KCNAB1: variants seen among roughly 807,000 people sequenced by gnomAD.
KCNAB1 encodes the protein potassium voltage-gated channel subfamily A regulatory beta subunit 1, also known as voltage-gated potassium channel subunit beta-1.
In KCNAB1, 35 loss-of-function variants were observed where a neutral mutation model predicts 64.6. That is an observed-to-expected ratio of 0.54 (90% confidence interval 0.41 to 0.72). The LOEUF (loss-of-function observed/expected upper bound fraction) is 0.72, where lower values mean the gene tolerates loss of function less well. KCNAB1 is among the 30% of genes least tolerant of loss of function. The probability of loss-of-function intolerance (pLI) is 0.00; values close to 1 mark genes in which losing one functional copy is unlikely to be tolerated. For missense variants in KCNAB1, 401 were observed against 512.9 expected (o/e 0.78, Z 2.11); for synonymous variants, 177 against 183.8 (o/e 0.96, Z 0.30).
At chr3:156,479,424 TG>T (rs1360907929) in intron 8 of KCNAB1, among the ~76,000 whole-genome samples, 3 of 152,138 alleles carry the variant, frequency 2.0e-5, no homozygotes, top group Admixed American at 6.6e-5. Flanking sequence ...TGGGTTTTTT[TG>T]TTTGTTTCTT....
At chr3:156,384,821 C>T (rs937490030) in intron 1 of KCNAB1, among the ~76,000 whole-genome samples, 1 of 152,146 alleles carries the variant, frequency 6.6e-6, no homozygotes, top group African/African-American at 2.4e-5. Context: ...GAATGGATTC[C>T]TCAGAGAGGT....
chr3:156,510,950 A>G (rs937954020), intron 8 of KCNAB1, among the ~76,000 whole-genome samples: 4 of 152,274 alleles, frequency 2.6e-5, no homozygotes, highest in South Asian at 2.1e-4. Flanking sequence ...TTTTCTGTCT[A>G]TAGACTTTCC....
intron 4 of KCNAB1, 54 bp downstream of exon 4, chr3:156,457,586 T>C (rs755119194): frequency 8.1e-5 from 118 of 1,458,204 alleles, no homozygotes; most frequent in Non-Finnish European, 1.1e-4. Flanking sequence ...ACCAAAAGAA[T>C]CAGCCCAGAC....
At position 156,537,318 on chromosome 3, in the gene KCNAB1, C is replaced by G; in HGVS notation, c.*571C>G. The G allele has an allele frequency of 3.0e-6, 1 of 333,148 alleles. No individual in the cohort carries two copies. The highest frequency in any genetic ancestry group is 2.1e-5 in the African/African-American group (1 of 46,694). The allele number at this position is 333,148 out of a possible 1,614,324, so 20.6% of individuals were successfully genotyped here. On this transcript the variant is annotated 3_prime_UTR_variant, in exon 14 of 14. Transcript: ENST00000490337. ...AGAAATAATTTTATATATTTTTTTT[C>G]TATTTTCACATTCATACTAACAAGT...
chr3:156,474,506 G>A, intron 7 of KCNAB1: 1 of 362,942 alleles, frequency 2.8e-6, no homozygotes, highest in Non-Finnish European at 5.1e-6. Flanking sequence ...TCCTGTGAGA[G>A]TGATAATATT....
At chr3:156,327,105 A>G (rs1723015248) in intron 1 of KCNAB1, among the ~76,000 whole-genome samples, 1 of 152,172 alleles carries the variant, frequency 6.6e-6, no homozygotes, top group Non-Finnish European at 1.5e-5. Context: ...GTTAAGGCAA[A>G]CGTAAGAGCA....
At chr3:156,513,008 C>T (rs1430252204) in intron 8 of KCNAB1, among the ~76,000 whole-genome samples, 6 of 152,164 alleles carry the variant, frequency 3.9e-5, no homozygotes, top group Admixed American at 6.5e-5. Context: ...GTCAGGAGAT[C>T]GAGACCATCC....
At chr3:156,352,997 C>T (rs558346691) in intron 1 of KCNAB1, among the ~76,000 whole-genome samples, 1 of 152,268 alleles carries the variant, frequency 6.6e-6, no homozygotes, top group Non-Finnish European at 1.5e-5. Flanking sequence ...ACACATCTAA[C>T]ATGCCAGTGG....
Position 156,421,606 on chromosome 3 carries a change from T to G in KCNAB1, c.276-10T>G. ...AATGATGACCAAGTGTTGCTTTGTTTTTATTATAGGAATCTTGGAAAATCA... is the reference window on the plus strand; with the variant it reads ...AATGATGACCAAGTGTTGCTTTGTTGTTATTATAGGAATCTTGGAAAATCA... On this transcript the variant is annotated splice_polypyrimidine_tract_variant and intron_variant, in intron 1 of 13. Transcript: ENST00000490337. 1 of 1,613,724 alleles carries G rather than the reference T, an allele frequency of 6.2e-7. No homozygotes were observed. The highest frequency in any genetic ancestry group is 8.5e-7 in the Non-Finnish European group (1 of 1,179,694).
At chr3:156,123,498 T>C (rs1410207843) in intron 1 of KCNAB1, among the ~76,000 whole-genome samples, 1 of 152,208 alleles carries the variant, frequency 6.6e-6, no homozygotes, top group Non-Finnish European at 1.5e-5. Context: ...TTGGGGGAGA[T>C]TCAGCAGTCC....
At chr3:156,319,517 C>T (rs2108022254) in intron 1 of KCNAB1, among the ~76,000 whole-genome samples, 1 of 152,262 alleles carries the variant, frequency 6.6e-6, no homozygotes. Context: ...CCATGCCAAA[C>T]TTAAGAAGGG....
intron 1 of KCNAB1, among the ~76,000 whole-genome samples, chr3:156,224,695 A>G (rs892170243): frequency 1.3e-5 from 2 of 152,238 alleles, no homozygotes; most frequent in Non-Finnish European, 2.9e-5. Context: ...ATTAACCGAG[A>G]AGAGAGAAGA....
At chr3:156,322,591 A>G (rs1722733561) in intron 1 of KCNAB1, among the ~76,000 whole-genome samples, 1 of 152,216 alleles carries the variant, frequency 6.6e-6, no homozygotes, top group Admixed American at 6.5e-5. Flanking sequence ...TCTTATATCC[A>G]TTGTAGGTCC....
At chr3:156,443,205 C>T (rs751190545) in intron 2 of KCNAB1, among the ~76,000 whole-genome samples, 5 of 152,218 alleles carry the variant, frequency 3.3e-5, no homozygotes, top group Non-Finnish European at 5.9e-5. Context: ...CTCTCACCGC[C>T]GCCCCCTCAA....
intron 1 of KCNAB1, among the ~76,000 whole-genome samples, chr3:156,261,083 T>C (rs930687250): frequency 6.6e-6 from 1 of 152,140 alleles, no homozygotes; most frequent in African/African-American, 2.4e-5. Flanking sequence ...CCAGTTTTTT[T>C]AGTTGGGTTA....
chr3:156,358,581 G>T (rs1367955208), intron 1 of KCNAB1, among the ~76,000 whole-genome samples: 1 of 152,164 alleles, frequency 6.6e-6, no homozygotes, highest in Non-Finnish European at 1.5e-5. Context: ...TTGGGAAAGG[G>T]TAGAGGTTTT....
At chr3:156,281,056 A>G (rs987680581) in intron 1 of KCNAB1, among the ~76,000 whole-genome samples, 2 of 151,652 alleles carry the variant, frequency 1.3e-5, no homozygotes, top group African/African-American at 2.4e-5. Flanking sequence ...TTTCAAAGGG[A>G]ATGCCTCCAG....
chr3:156,290,157 G>A lies in KCNAB1; in HGVS notation c.276-131459G>A, dbSNP rs562716579. On this transcript the variant is annotated intron_variant, in intron 1 of 13. Coordinates refer to ENST00000490337, the MANE Select transcript of KCNAB1 (RefSeq NM_172160.3). ...TTTCTCTAGTGTACTTAGTGTCTGT[G>A]CCATCCATTCAGATATGTCATAATA... Among the ~76,000 whole-genome samples, 16 of 152,302 alleles carry A rather than the reference G, an allele frequency of 1.1e-4. No homozygotes were observed. The South Asian group carries it at 3.3e-3, about 32-fold the overall frequency.
chr3:156,356,794 A>C (rs965725882), intron 1 of KCNAB1, among the ~76,000 whole-genome samples: 3 of 152,250 alleles, frequency 2.0e-5, no homozygotes, highest in African/African-American at 7.2e-5. Flanking sequence ...AGCCTAAAAA[A>C]GAAAGGCTGG....
Sources: gnomAD v4.1 joint callset for allele counts (sites outside exome capture counted in the v4.1 genomes callset) on GRCh38, gnomAD v4.1.1 for gene constraint, MANE v1.5 for transcripts, NCBI Gene and HGNC (gene_info 2026-07-23, HGNC 2026-07-21) for gene names.